FLNC: variants seen among roughly 807,000 people sequenced by gnomAD.
The protein encoded by FLNC is filamin C.
In FLNC, 91 loss-of-function variants were observed where a neutral mutation model predicts 254.3. The ratio of observed to expected loss-of-function variants is 0.36; its 90% CI spans 0.30 to 0.43. The LOEUF (loss-of-function observed/expected upper bound fraction) is 0.43. FLNC is among the 20% of genes least tolerant of loss of function. The probability of loss-of-function intolerance (pLI) is 1.00; values close to 1 mark genes in which losing one functional copy is unlikely to be tolerated. For synonymous variants in FLNC, 1,430 were observed against 1,577.2 expected (o/e 0.91, Z 2.21); for missense variants, 2,853 against 3,802.6 (o/e 0.75, Z 6.57).
At chr7:128,833,088 G>T (rs958259267) in intron 1 of FLNC, among the ~76,000 whole-genome samples, 3 of 152,332 alleles carry the variant, frequency 2.0e-5, no homozygotes, top group African/African-American at 7.2e-5. Flanking sequence ...TGAAGAAGGG[G>T]CACTGAGCCC....
rs765301554 is a variant in FLNC, at chr7:128,843,868, C to T, written c.2884C>T (p.Pro962Ser). The T allele has an allele frequency of 6.2e-7, 1 of 1,614,012 alleles. No homozygotes were observed. Among genetic ancestry groups the T allele is most frequent in the East Asian group, 2.2e-5 (1 of 44,890 alleles). Residue 962 changes from proline to serine, a missense_variant, in exon 19 of 48, where the codon CCC becomes TCC. Physicochemically the swap from Pro to Ser is moderately conservative, Grantham distance 74. Transcript: ENST00000325888. ...GAGCCCCTTTGTGGTGAATGTGGCA[C>T]CCCCGCTGGACCTCAGCAAAATCAA... ...PKSPFVVNVAPPLDLSKIKVQ... is the reference protein window; with the variant it reads ...PKSPFVVNVASPLDLSKIKVQ...
chr7:128,845,645 G>C (rs1281615380), intron 21 of FLNC, among the ~76,000 whole-genome samples: 1 of 152,094 alleles, frequency 6.6e-6, no homozygotes, highest in African/African-American at 2.4e-5. Context: ...ATCTGCCAGG[G>C]GCCAGACCCT....
chr7:128,838,216 C>G (rs753125021), intron 6 of FLNC, 51 bp from the exon 7 acceptor site: 2 of 1,590,872 alleles, frequency 1.3e-6, no homozygotes, highest in South Asian at 2.2e-5. Flanking sequence ...CCTCTGCCCC[C>G]TCTCAGGACT....
At position 128,850,453 on chromosome 7, in the gene FLNC, C is replaced by T; in HGVS notation, c.5368C>T (p.Pro1790Ser). The T allele has an allele frequency of 1.2e-6, 2 of 1,613,866 alleles. No individual in the cohort carries two copies. The highest frequency in any genetic ancestry group is 1.7e-6 in the Non-Finnish European group (2 of 1,179,990). ...SMLRPFNLVIPFAVQKGELTG... is the reference protein window; with the variant it reads ...SMLRPFNLVISFAVQKGELTG... ...GCTGAGGCCCTTCAACCTGGTCATC[C>T]CCTTCGCGGTGCAGAAAGGGGAGCT... is the stretch of plus-strand genomic sequence containing the variant. The change falls in exon 32 of 48, where the codon CCC becomes TCC. Residue 1790 changes from proline to serine, a missense_variant. Physicochemically the swap from Pro to Ser is moderately conservative, Grantham distance 74 (BLOSUM62 -1). Transcript: ENST00000325888.
Position 128,857,914 on chromosome 7 carries a change from C to G in FLNC, c.7781-94C>G. On this transcript the variant is annotated intron_variant, in intron 46 of 47. Transcript: ENST00000325888. This position sits in a 1 kb window ranked among gnomAD's most constrained non-coding sequence, Gnocchi z 4.5. The stretch of plus-strand genomic sequence containing the variant: ...GAGCCTCAAATGCAGGCAGTGAGTC[C>G]CACAGGGTGGCAGTGCTGGCCGAGG... 1.1e-6 allele frequency: 1 copy of G among 895,440 alleles called. No homozygotes were observed. 55.5% of individuals were successfully genotyped at this position (895,440 alleles called of 1,614,324 possible).
chr7:128,836,754 G>A lies in FLNC; in HGVS notation c.602-406G>A, dbSNP rs151239439. ...AGCTGTGAGGAGGCCTTCTAGGGGG[G>A]ATGGGTCAGGGGCATATGTGGGACA... On this transcript the variant is annotated intron_variant, in intron 2 of 47. Transcript: ENST00000325888. The surrounding 1 kb of genome is among the most constrained non-coding windows in gnomAD (Gnocchi z 6.0). Among the ~76,000 whole-genome samples the A allele has an allele frequency of 1.7e-3, 253 of 152,308 alleles. No individual in the cohort carries two copies. The highest frequency in any genetic ancestry group is 0.01 in the Admixed American group (160 of 15,304).
rs1384057088 is a variant in FLNC at position 128,841,932 on chromosome 7, C to T, written c.2122-299C>T. ...AAGAGGGTGATTCTTCTTTGAAAGG[C>T]TCATGATTCAGTTTTAGGAACATAA... On this transcript the variant is annotated intron_variant, in intron 13 of 47. Transcript: ENST00000325888. The surrounding 1 kb of genome is among the most constrained non-coding windows in gnomAD (Gnocchi z 4.3). Among the ~76,000 whole-genome samples, 3 of 152,168 alleles carry T rather than the reference C, an allele frequency of 2.0e-5. No individual in the cohort carries two copies. Among genetic ancestry groups the T allele is most frequent in the African/African-American group, 7.2e-5 (3 of 41,430 alleles).
chr7:128,845,346 G>C, intron 21 of FLNC, 91 bp downstream of exon 21: 1 of 1,074,016 alleles, frequency 9.3e-7, no homozygotes, highest in Non-Finnish European at 1.4e-6. Flanking sequence ...CTGAGAGCTG[G>C]AAGAGCAACC....
In FLNC at chr7:128,841,335, C is replaced by T. The variant is rs775292418; in HGVS notation, c.1979C>T (p.Pro660Leu). The T allele has an allele frequency of 1.2e-6, 2 of 1,613,930 alleles. No homozygotes were observed. Among genetic ancestry groups the T allele is most frequent in the Admixed American group, 3.3e-5 (2 of 60,010 alleles). ...TCACCCTTCATTGCCCACATCCTGCCCGCCCCACCTGACTGCTTCCCAGAT... is the reference window on the plus strand; with the variant it reads ...TCACCCTTCATTGCCCACATCCTGCTCGCCCCACCTGACTGCTTCCCAGAT... ...RDSPFIAHILPAPPDCFPDKV... is the reference protein window; with the variant it reads ...RDSPFIAHILLAPPDCFPDKV... Residue 660 changes from proline to leucine, a missense_variant, in exon 12 of 48, where the codon CCC becomes CTC. Transcript: ENST00000325888. The surrounding 1 kb of genome is among the most constrained non-coding windows in gnomAD (Gnocchi z 4.3).
chr7:128,846,670 T>C lies in FLNC; in HGVS notation c.4128-75T>C, dbSNP rs1304437852. ...CCAGCGGCCTGCCCTCTTTCCTCCC[T>C]GTCCCCCCATTCAGCTACTCCCTCA... On this transcript the variant is annotated intron_variant, in intron 23 of 47. Transcript: ENST00000325888. 4 of 1,488,402 alleles carry C rather than the reference T, an allele frequency of 2.7e-6. No individual in the cohort carries two copies. The African/African-American group carries it at 5.5e-5, about 20-fold the overall frequency. The allele number at this position is 1,488,402 out of a possible 1,614,324, so 92.2% of individuals were successfully genotyped here. A position where few individuals can be genotyped will look rare whatever the true frequency, so the allele number is the denominator to read the frequency against.
At position 128,843,948 on chromosome 7, in the gene FLNC, G is replaced by A. The variant is rs201396075; in HGVS notation, c.2929+35G>A. The A allele has an allele frequency of 1.4e-5, 22 of 1,613,932 alleles. No homozygotes were observed. In the African/African-American group the frequency reaches 1.6e-4, roughly 12 times the overall value. ...GCAAGAGCCACCCTGGGAGTGAGGG[G>A]TATTCGGGTAGGGTGGACCGGAGTC... On this transcript the variant is annotated intron_variant, in intron 19 of 47. Transcript: ENST00000325888.
rs200013064 is a variant in FLNC at position 128,848,997 on chromosome 7, G to A, written c.4927+15G>A. 133 of 1,608,364 alleles carry A rather than the reference G, an allele frequency of 8.3e-5. No individual in the cohort carries two copies. In the East Asian group the frequency reaches 2.5e-3, roughly 30 times the overall value. On this transcript the variant is annotated intron_variant, in intron 28 of 47. Transcript: ENST00000325888. ...CCTCGTCACAGGTGGGTGCCCACCC[G>A]CTGCCCGTGCCCTGCTCACCACCCA...
intron 21 of FLNC, 30 bp downstream of exon 21, chr7:128,845,285 C>A: frequency 6.4e-7 from 1 of 1,574,014 alleles, no homozygotes; most frequent in Non-Finnish European, 8.7e-7. Flanking sequence ...CAAGAAAGGT[C>A]AAGTGGCAGG....
rs1269055454 is a variant in FLNC, at chr7:128,856,750, C to G, written c.7390C>G (p.His2464Asp). Residue 2464 changes from histidine (H) to aspartate (D), a missense_variant, in exon 45 of 48, where the codon CAC becomes GAC. His to Asp is a moderately conservative substitution (Grantham distance 81). Transcript: ENST00000325888. The surrounding 1 kb of genome is among the most constrained non-coding windows in gnomAD (Gnocchi z 5.9). Reference sequence around the variant, plus strand: ...CACCAACCCTTTATCCACAGACAAGCACACCATCCGCTTCATCCCCCACGA... The same window carrying G: ...CACCAACCCTTTATCCACAGACAAGGACACCATCCGCTTCATCCCCCACGA... ...CYVSELDSDK[H>D]TIRFIPHENG... 5.6e-6 allele frequency: 9 copies of G among 1,614,188 alleles called. No homozygotes were observed. Among genetic ancestry groups the G allele is most frequent in the Middle Eastern group, 3.3e-4 (2 of 6,062 alleles).
Position 128,856,961 on chromosome 7 carries a change from G to T in FLNC, c.7561+40G>T, listed in dbSNP as rs996852608. The T allele has an allele frequency of 1.1e-5, 17 of 1,607,588 alleles. No individual in the cohort carries two copies. Among genetic ancestry groups the T allele is most frequent in the Non-Finnish European group, 1.4e-5 (17 of 1,175,342 alleles). On this transcript the variant is annotated intron_variant, in intron 45 of 47. Coordinates refer to ENST00000325888, the MANE Select transcript of FLNC (RefSeq NM_001458.5). This position sits in a 1 kb window ranked among gnomAD's most constrained non-coding sequence, Gnocchi z 5.9. ...CTGGGGAACAGGGTGACTTCTGGGGGTGCTTGGCCACTAGTCTGGTGCTGC... is the reference window on the plus strand; with the variant it reads ...CTGGGGAACAGGGTGACTTCTGGGGTTGCTTGGCCACTAGTCTGGTGCTGC...
Position 128,858,599 on chromosome 7 carries a change from A to AC in FLNC, c.*76_*77insC. The AC allele has an allele frequency of 1.9e-6, 2 of 1,052,334 alleles. No individual in the cohort carries two copies. The highest frequency in any genetic ancestry group is 2.9e-6 in the Non-Finnish European group (2 of 686,574). The allele number at this position is 1,052,334 out of a possible 1,614,324, so 65.2% of individuals were successfully genotyped here. A position where few individuals can be genotyped will look rare whatever the true frequency, so the allele number is the denominator to read the frequency against. On this transcript the variant is annotated 3_prime_UTR_variant, in exon 48 of 48. Coordinates refer to ENST00000325888, the MANE Select transcript of FLNC (RefSeq NM_001458.5). This position sits in a 1 kb window ranked among gnomAD's most constrained non-coding sequence, Gnocchi z 6.7. ...ATTACACACACACACACACACACAC[A>AC]AATGTGCCACACCCAGACACGCACA... is the stretch of plus-strand genomic sequence containing the variant.
chr7:128,842,231 G>A lies in FLNC; in HGVS notation c.2122G>A (p.Asp708Asn). ...GKGDLKLYAQ[D>N]ADGCPIDIKV... ...AACTTTGCTTGGGTGATGCCCACAGGACGCCGACGGCTGTCCCATCGACAT... is the reference window on the plus strand; with the variant it reads ...AACTTTGCTTGGGTGATGCCCACAGAACGCCGACGGCTGTCCCATCGACAT... The change falls in exon 14 of 48, where the codon GAC becomes AAC. Residue 708 changes from aspartate (D) to asparagine (N), a missense_variant and splice_region_variant. Physicochemically the swap from Asp to Asn is conservative, Grantham distance 23. Around this residue, in one of 10 missense-constraint regions of FLNC, gnomAD observed 1,573 missense variants for 1,883.5 expected, o/e 0.84. Coordinates refer to ENST00000325888, the MANE Select transcript of FLNC (RefSeq NM_001458.5). This position sits in a 1 kb window ranked among gnomAD's most constrained non-coding sequence, Gnocchi z 5.4. The A allele has an allele frequency of 6.2e-7, 1 of 1,613,642 alleles. No individual in the cohort carries two copies. Among genetic ancestry groups the A allele is most frequent in the African/African-American group, 1.3e-5 (1 of 75,050 alleles).
chr7:128,843,107 G>A, intron 16 of FLNC, 122 bp from the exon 17 acceptor site: 2 of 1,361,696 alleles, frequency 1.5e-6, no homozygotes, highest in African/African-American at 1.4e-5. Context: ...AAGCAAAGGG[G>A]GCCCTTTTGG....
chr7:128,849,310 G>A, intron 29 of FLNC, 21 bp from the exon 30 acceptor site: 1 of 1,614,144 alleles, frequency 6.2e-7, no homozygotes. Flanking sequence ...AGCTCCCTGA[G>A]CAGGATCTCC....
Sources: allele counts gnomAD v4.1 joint callset (sites outside exome capture counted in the v4.1 genomes callset), GRCh38; gene constraint gnomAD v4.1.1; regional missense constraint gnomAD v4.1.1; non-coding constraint Gnocchi (gnomAD v3.1); transcripts MANE v1.5; gene names NCBI Gene and HGNC (gene_info 2026-07-23, HGNC 2026-07-21).